The following PRKCE variants were observed in gnomAD, a reference collection of about 807,000 sequenced individuals.
PRKCE encodes the protein protein kinase C epsilon, also known as protein kinase C epsilon type.
PRKCE carries 16 observed loss-of-function variants against 85.4 expected under a neutral mutation model. That is an observed-to-expected ratio of 0.19 (90% CI 0.13 to 0.28). PRKCE has a LOEUF of 0.28. Among genes scored for constraint, PRKCE ranks in the 10% least tolerant of loss-of-function variants. The pLI, the probability that PRKCE is intolerant of heterozygous loss-of-function variation, is 1.00. For missense variants in PRKCE, 573 were observed against 975.2 expected (o/e 0.59, Z 5.49); for synonymous variants, 388 against 371.5 (o/e 1.04, Z -0.51).
At position 46,054,586 on chromosome 2, in the gene PRKCE, A is replaced by G. The variant is rs189009169; in HGVS notation, c.1438-31622A>G. ...ATTTAGAATAACTGCAACCCCAACC[A>G]TACACACAGAATCTCAGGGCTTGAA... On this transcript the variant is annotated intron_variant, in intron 10 of 14. Transcript: ENST00000306156. Among the ~76,000 whole-genome samples the G allele has an allele frequency of 4.6e-5, 7 of 152,306 alleles. No individual in the cohort carries two copies. The East Asian group carries it at 1.4e-3, about 29-fold the overall frequency.
intron 1 of PRKCE, among the ~76,000 whole-genome samples, chr2:45,800,371 C>G (rs1396854836): frequency 6.6e-6 from 1 of 152,232 alleles, no homozygotes; most frequent in African/African-American, 2.4e-5. Flanking sequence ...GCTGGGGGGT[C>G]TGACTCGAGA....
rs141252747 is a variant in PRKCE at position 45,903,210 on chromosome 2, G to A, written c.412+60147G>A. Among the ~76,000 whole-genome samples, 219 of 152,290 alleles carry A rather than the reference G, an allele frequency of 1.4e-3. 1 individual carries two copies. Among genetic ancestry groups the A allele is most frequent in the African/African-American group, 5.0e-3 (207 of 41,560 alleles). ...CTTCATTAAATAAGTCAGTGAATGA[G>A]GAGTCCTCCAAGGGATCCCTGCCTG... On this transcript the variant is annotated intron_variant, in intron 2 of 14. Coordinates refer to ENST00000306156, the MANE Select transcript of PRKCE (RefSeq NM_005400.3).
chr2:46,081,268 C>T (rs917127398), intron 10 of PRKCE, among the ~76,000 whole-genome samples: 10 of 152,256 alleles, frequency 6.6e-5, no homozygotes, highest in Middle Eastern at 3.2e-3. Context: ...AGCCACCACA[C>T]CTGGCCTGCA....
intron 2 of PRKCE, among the ~76,000 whole-genome samples, chr2:45,892,928 C>T (rs1695843002): frequency 2.0e-5 from 3 of 152,160 alleles, no homozygotes; most frequent in African/African-American, 7.2e-5. Flanking sequence ...GATGACTTCT[C>T]AAGGGCAGCA....
At chr2:45,810,117 T>A (rs1688550977) in intron 1 of PRKCE, among the ~76,000 whole-genome samples, 1 of 151,844 alleles carries the variant, frequency 6.6e-6, no homozygotes, top group Non-Finnish European at 1.5e-5. Context: ...CTCAGCTCAC[T>A]GCAACCTCCG....
chr2:45,878,420 G>A (rs2105794699), intron 2 of PRKCE, among the ~76,000 whole-genome samples: 1 of 152,328 alleles, frequency 6.6e-6, no homozygotes, highest in East Asian at 1.9e-4. Flanking sequence ...CTGAGTCTGG[G>A]CCTAGTATAC....
intron 10 of PRKCE, among the ~76,000 whole-genome samples, chr2:46,045,241 AC>A (rs760656199): frequency 6.6e-6 from 1 of 152,226 alleles, no homozygotes; most frequent in Non-Finnish European, 1.5e-5. Flanking sequence ...GTATTTACAT[AC>A]ATACATACAC....
At chr2:45,922,977 A>T (rs903651435) in intron 2 of PRKCE, among the ~76,000 whole-genome samples, 3 of 152,184 alleles carry the variant, frequency 2.0e-5, no homozygotes, top group African/African-American at 7.2e-5. Flanking sequence ...ACAGGGCTTG[A>T]CGATTATTTC....
rs371501864 is a variant in PRKCE at position 45,868,319 on chromosome 2, CAAAAAAAAAAAAA to C, written c.412+25267_412+25279del. On this transcript the variant is annotated intron_variant, in intron 2 of 14. Coordinates refer to ENST00000306156, the MANE Select transcript of PRKCE (RefSeq NM_005400.3). ...AAACACCAAAATCCCCTTTCCTGTC[CAAAAAAAAAAAAA>C]AAAAAAAAAACTTTTTAGGGCAGTT... Among the ~76,000 whole-genome samples, 4 of 35,998 alleles carry C rather than the reference CAAAAAAAAAAAAA, an allele frequency of 1.1e-4. No homozygotes were observed. The Admixed American group carries it at 1.5e-3, about 14-fold the overall frequency. The allele number at this position is 35,998 out of a possible 152,430, so 23.6% of individuals were successfully genotyped here.
intron 10 of PRKCE, among the ~76,000 whole-genome samples, chr2:46,011,184 G>T (rs1467984448): frequency 6.6e-6 from 1 of 152,106 alleles, no homozygotes; most frequent in African/African-American, 2.4e-5. Context: ...TGAGGGGTTG[G>T]GAGGAGTTAA....
intron 2 of PRKCE, among the ~76,000 whole-genome samples, chr2:45,866,169 C>T (rs964296562): frequency 6.6e-6 from 1 of 152,054 alleles, no homozygotes; most frequent in African/African-American, 2.4e-5. Context: ...GTTACAGCAG[C>T]ACAAATGGGC....
chr2:45,961,182 C>A (rs1401093674), intron 2 of PRKCE, among the ~76,000 whole-genome samples: 4 of 152,192 alleles, frequency 2.6e-5, no homozygotes, highest in Admixed American at 6.5e-5. Context: ...CTGCTTCTCT[C>A]CATAGGCAGG....
chr2:45,839,953 CT>C (rs1159853365), intron 1 of PRKCE, among the ~76,000 whole-genome samples: 1 of 152,226 alleles, frequency 6.6e-6, no homozygotes, highest in Admixed American at 6.5e-5. Context: ...TGCTAAAATG[CT>C]TTCTGATTGC....
intron 10 of PRKCE, among the ~76,000 whole-genome samples, chr2:46,036,243 A>G (rs1707850114): frequency 6.6e-6 from 1 of 152,176 alleles, no homozygotes; most frequent in African/African-American, 2.4e-5. Context: ...AGGTGGGGTC[A>G]GAGCGAGAGC....
intron 4 of PRKCE, 91 bp from the exon 5 acceptor site, chr2:45,980,205 C>G (rs1010089169): frequency 4.8e-6 from 6 of 1,247,394 alleles, no homozygotes; most frequent in Middle Eastern, 2.1e-4. Flanking sequence ...GCCTGGCTCC[C>G]CTTGTCACTC....
At chr2:45,951,032 T>A (rs1406972562) in intron 2 of PRKCE, among the ~76,000 whole-genome samples, 5 of 152,158 alleles carry the variant, frequency 3.3e-5, no homozygotes, top group Non-Finnish European at 7.3e-5. Context: ...TGACTGTGAA[T>A]TGCACTACAA....
intron 10 of PRKCE, among the ~76,000 whole-genome samples, chr2:46,033,086 C>T (rs761349524): frequency 1.3e-5 from 2 of 152,190 alleles, no homozygotes; most frequent in Non-Finnish European, 2.9e-5. Context: ...GGATGGCCTC[C>T]ACTTATGACG....
chr2:45,690,445 G>A (rs188851652), intron 1 of PRKCE, among the ~76,000 whole-genome samples: 81 of 152,336 alleles, frequency 5.3e-4, no homozygotes, highest in Admixed American at 4.1e-3. Flanking sequence ...GGCAGGGGGC[G>A]AAGGAAGCAC....
intron 1 of PRKCE, among the ~76,000 whole-genome samples, chr2:45,778,956 G>A (rs1283064982): frequency 6.6e-6 from 1 of 152,208 alleles, no homozygotes; most frequent in Non-Finnish European, 1.5e-5. Context: ...AAAACTTGGA[G>A]TTACAAGTGT....
Sources: gnomAD v4.1 joint callset for allele counts (sites outside exome capture counted in the v4.1 genomes callset) on GRCh38, gnomAD v4.1.1 for gene constraint, MANE v1.5 for transcripts, NCBI Gene and HGNC (gene_info 2026-07-23, HGNC 2026-07-21) for gene names.